The following ATXN7L1 variants were observed in gnomAD, a reference collection of about 807,000 sequenced individuals.
ATXN7L1 encodes the protein ataxin 7 like 1.
A neutral mutation model predicts 70.8 loss-of-function variants in ATXN7L1; 15 were observed. The observed-to-expected ratio is 0.21, with a 90% CI of 0.14 to 0.33. The LOEUF is 0.33. Among genes scored for constraint, ATXN7L1 ranks in the 10% least tolerant of loss-of-function variants. The pLI is 1.00. For synonymous variants in ATXN7L1, 440 were observed against 445.1 expected, an observed-to-expected ratio of 0.99 and a Z score of 0.14; for missense variants, 975 against 1,097.1, an observed-to-expected ratio of 0.89 and a Z score of 1.57.
At chr7:105,745,019 T>G (rs529664667) in intron 3 of ATXN7L1, among the ~76,000 whole-genome samples, 4 of 152,306 alleles carry the variant, frequency 2.6e-5, no homozygotes, top group Non-Finnish European at 5.9e-5. Flanking sequence ...ATTACAAGCA[T>G]GAGCCACTGT....
intron 11 of ATXN7L1, among the ~76,000 whole-genome samples, chr7:105,609,418 T>C (rs1003056373): frequency 5.9e-5 from 9 of 152,008 alleles, no homozygotes; most frequent in Non-Finnish European, 1.3e-4. Flanking sequence ...CTGCCTGCCT[T>C]GGCCTCCCAA....
intron 3 of ATXN7L1, among the ~76,000 whole-genome samples, chr7:105,781,245 A>AC (rs11404911): frequency 0.29 from 43,577 of 151,860 alleles, 6,613 homozygotes; most frequent in East Asian, 0.57. Flanking sequence ...GAAGATAAGG[A>AC]CCCCCCAAAA....
intron 3 of ATXN7L1, among the ~76,000 whole-genome samples, chr7:105,692,407 T>TTCCTTCCTTCCTTCCTTCCTTCCTTCCC (rs1554431618): frequency 4.9e-5 from 4 of 82,258 alleles, no homozygotes; most frequent in Admixed American, 1.6e-4. Context: ...CCTTCCTTCC[T>TTCCTTCCTTCCTTCCTTCCTTCCTTCCC]TCCTTCCTTC....
chr7:105,635,433 G>A (rs954838721), intron 7 of ATXN7L1, among the ~76,000 whole-genome samples: 1 of 152,208 alleles, frequency 6.6e-6, no homozygotes, highest in Non-Finnish European at 1.5e-5. Context: ...GCCTTCCTGT[G>A]GAGTGCCCCT....
At chr7:105,678,093 T>A in intron 3 of ATXN7L1, 6 of 179,074 alleles carry the variant, frequency 3.4e-5, no homozygotes, top group Non-Finnish European at 3.8e-5. Flanking sequence ...AGACACATAC[T>A]TTTTTTTTTT....
At chr7:105,845,232 A>AAAAAAG (rs1813834320) in intron 2 of ATXN7L1, among the ~76,000 whole-genome samples, 1 of 145,266 alleles carries the variant, frequency 6.9e-6, no homozygotes, top group African/African-American at 2.5e-5. Context: ...AAAAAAAAAA[A>AAAAAAG]TCAGTTCAGT....
chr7:105,651,876 G>A (rs1013159879), intron 4 of ATXN7L1, among the ~76,000 whole-genome samples: 4 of 152,144 alleles, frequency 2.6e-5, no homozygotes, highest in African/African-American at 9.7e-5. Context: ...GCCTCCCAGA[G>A]AAATAACTCT....
At chr7:105,674,521 T>C (rs189228639) in intron 3 of ATXN7L1, among the ~76,000 whole-genome samples, 104 of 152,308 alleles carry the variant, frequency 6.8e-4, no homozygotes, top group African/African-American at 2.4e-3. Flanking sequence ...CTTAGCAAGA[T>C]TGTGAAACAA....
intron 3 of ATXN7L1, among the ~76,000 whole-genome samples, chr7:105,721,646 G>A (rs183584951): frequency 2.0e-5 from 3 of 152,322 alleles, no homozygotes; most frequent in East Asian, 1.9e-4. Context: ...TTGTGACCTC[G>A]TTTTGTAAAA....
chr7:105,759,490 G>GTGTA lies in ATXN7L1; in HGVS notation c.355+29113_355+29114insTACA, dbSNP rs1800275023. Among the ~76,000 whole-genome samples, 4 of 121,642 alleles carry GTGTA rather than the reference G, an allele frequency of 3.3e-5. No individual in the cohort carries two copies. In the Admixed American group the frequency reaches 3.4e-4, roughly 10 times the overall value. 79.8% of individuals were successfully genotyped at this position (121,642 alleles called of 152,430 possible). On this transcript the variant is annotated intron_variant, in intron 3 of 11. Coordinates refer to ENST00000419735, the MANE Select transcript of ATXN7L1 (RefSeq NM_020725.2). Reference sequence around the variant, plus strand: ...TGTGTGTGTGTGTGTGTGTGTGTGTGTATGTCAGAGTGACCTATCCCAGGT... The same window carrying GTGTA: ...TGTGTGTGTGTGTGTGTGTGTGTGTGTGTATATGTCAGAGTGACCTATCCCAGGT...
intron 4 of ATXN7L1, 150 bp downstream of exon 4, chr7:105,664,916 A>C: frequency 1.3e-6 from 1 of 758,578 alleles, no homozygotes; most frequent in Non-Finnish European, 2.1e-6. Flanking sequence ...TCTTTCCATC[A>C]TTTTGGGTTT....
At chr7:105,832,742 C>T (rs1331387104) in intron 2 of ATXN7L1, among the ~76,000 whole-genome samples, 3 of 152,204 alleles carry the variant, frequency 2.0e-5, no homozygotes, top group Non-Finnish European at 4.4e-5. Flanking sequence ...CTCTCCTCCC[C>T]AGAGCCTGCT....
At chr7:105,780,251 A>T (rs1352825347) in intron 3 of ATXN7L1, among the ~76,000 whole-genome samples, 3 of 152,220 alleles carry the variant, frequency 2.0e-5, no homozygotes, top group African/African-American at 4.8e-5. Context: ...TGCTGTTCTC[A>T]GTATCCAACC....
intron 2 of ATXN7L1, among the ~76,000 whole-genome samples, chr7:105,844,742 AAAAT>A (rs1813722450): frequency 6.6e-6 from 1 of 152,248 alleles, no homozygotes; most frequent in Non-Finnish European, 1.5e-5. Flanking sequence ...TTAGGCAAGA[AAAAT>A]AAATAAAATG....
intron 3 of ATXN7L1, among the ~76,000 whole-genome samples, chr7:105,671,342 C>A (rs1371268652): frequency 1.3e-5 from 2 of 151,746 alleles, no homozygotes; most frequent in Non-Finnish European, 2.9e-5. Flanking sequence ...AGGTATAATT[C>A]CCAAAGTGAA....
At position 105,610,516 on chromosome 7, in the gene ATXN7L1, C is replaced by A; in HGVS notation, c.2547+13G>T. Reference sequence around the variant, plus strand: ...TATGAATTTTTGCCCCACCCCCACCCTCAGTAACTTACCTGTCGGCTGTGT... The same window carrying A: ...TATGAATTTTTGCCCCACCCCCACCATCAGTAACTTACCTGTCGGCTGTGT... On this transcript the variant is annotated intron_variant, in intron 11 of 11. Transcript: ENST00000419735. The A allele has an allele frequency of 6.4e-7, 1 of 1,550,528 alleles. No individual in the cohort carries two copies. Among genetic ancestry groups the A allele is most frequent in the Non-Finnish European group, 8.7e-7 (1 of 1,146,098 alleles).
intron 5 of ATXN7L1, among the ~76,000 whole-genome samples, chr7:105,640,129 G>T (rs922386749): frequency 6.6e-6 from 1 of 152,114 alleles, no homozygotes; most frequent in African/African-American, 2.4e-5. Flanking sequence ...AAAGCTCTCG[G>T]CGCAGGCTTT....
chr7:105,739,970 C>T (rs556633395), intron 3 of ATXN7L1, among the ~76,000 whole-genome samples: 5 of 152,196 alleles, frequency 3.3e-5, no homozygotes, highest in Admixed American at 2.6e-4. Flanking sequence ...TTTGACTGCA[C>T]TGGAACCTGC....
chr7:105,670,977 G>A (rs1323282903), intron 3 of ATXN7L1, among the ~76,000 whole-genome samples: 3 of 152,028 alleles, frequency 2.0e-5, no homozygotes, highest in Non-Finnish European at 4.4e-5. Flanking sequence ...GAGGTGGCGG[G>A]CGCCTGTTAG....
Sources: allele counts gnomAD v4.1 joint callset (sites outside exome capture counted in the v4.1 genomes callset), GRCh38; gene constraint gnomAD v4.1.1; transcripts MANE v1.5; gene names NCBI Gene and HGNC (gene_info 2026-07-23, HGNC 2026-07-21).